The following TLE5 variants were observed in gnomAD, a reference collection of about 807,000 sequenced individuals.
TLE5 encodes TLE family member 5, transcriptional modulator.
In TLE5, 7 loss-of-function variants were observed where a neutral mutation model predicts 25.8. That is an observed-to-expected ratio of 0.27 (90% CI 0.15 to 0.51). TLE5 has a LOEUF of 0.51. Ranked by LOEUF, TLE5 falls within the 20% of genes least tolerant of loss-of-function variation. TLE5 has a pLI of 0.97. For synonymous variants in TLE5, 132 were observed against 110.5 expected (o/e 1.20, Z -1.22); for missense variants, 149 against 250.7 (o/e 0.59, Z 2.74).
chr19:3,056,322 A>C lies in TLE5; in HGVS notation c.224T>G (p.Met75Arg). ...AGGAGATGGGCGTACCTGTTTGTGC[A>C]TCTCGATGTTCAAGCCGTAGGACAT... is the stretch of plus-strand genomic sequence containing the variant. ...YEMSYGLNIE[M>R]HKQAEIVKRL... Residue 75 changes from methionine (M) to arginine (R), a missense_variant, in exon 4 of 7, where the codon ATG (methionine) becomes AGG (arginine). Coordinates refer to ENST00000327141, the MANE Select transcript of TLE5 (RefSeq NM_001130.6). 1 of 1,412,658 alleles carries C rather than the reference A, an allele frequency of 7.1e-7. No individual in the cohort carries two copies. The allele number at this position is 1,412,658 out of a possible 1,614,324, so 87.5% of individuals were successfully genotyped here.
intron 1 of TLE5, 64 bp downstream of exon 1, chr19:3,062,110 C>T: frequency 1.6e-6 from 1 of 642,140 alleles, no homozygotes; most frequent in Non-Finnish European, 1.7e-6. Context: ...GGCCGGGAGC[C>T]GGGGGTCGGG....
At chr19:3,055,536 G>T in intron 5 of TLE5, 128 bp downstream of exon 5, 1 of 733,886 alleles carries the variant, frequency 1.4e-6, no homozygotes, top group Non-Finnish European at 2.1e-6. Context: ...TTCAGAGCCA[G>T]GGAGGTCCAG....
At chr19:3,056,675 C>A in intron 3 of TLE5, 1 of 550,074 alleles carries the variant, frequency 1.8e-6, no homozygotes, top group South Asian at 1.6e-5. Context: ...CATTCCAGGG[C>A]TCCTAATCTT....
intron 2 of TLE5, among the ~76,000 whole-genome samples, chr19:3,059,013 A>G (rs2090243004): frequency 6.6e-6 from 1 of 152,174 alleles, no homozygotes; most frequent in Non-Finnish European, 1.5e-5. Flanking sequence ...AGAAGAGTCA[A>G]TGAATTCAGA....
At chr19:3,062,074 C>T in intron 1 of TLE5, 100 bp downstream of exon 1, 1 of 376,642 alleles carries the variant, frequency 2.7e-6, no homozygotes, top group Non-Finnish European at 3.3e-6. Context: ...GCCGGAGGCA[C>T]CGGGCCTGGG....
intron 4 of TLE5, 93 bp from the exon 5 acceptor site, chr19:3,055,819 G>T (rs1374661277): frequency 7.4e-7 from 1 of 1,352,764 alleles, no homozygotes; most frequent in Non-Finnish European, 1.0e-6. Flanking sequence ...GCCCAGCCCT[G>T]CCACTTGCGG....
chr19:3,062,130 C>T, intron 1 of TLE5, 44 bp downstream of exon 1: 1 of 1,061,700 alleles, frequency 9.4e-7, no homozygotes, highest in East Asian at 4.1e-5. Flanking sequence ...GGGCGTAGGG[C>T]CCGGATCCGG....
chr19:3,061,839 CA>C (rs2145267995), intron 1 of TLE5, among the ~76,000 whole-genome samples: 1 of 144,846 alleles, frequency 6.9e-6, no homozygotes, highest in Non-Finnish European at 1.5e-5. Flanking sequence ...CGGAGCGCCC[CA>C]GGCCCGAGGC....
At chr19:3,062,096 G>A (rs2090276264) in intron 1 of TLE5, 78 bp downstream of exon 1, 4 of 776,148 alleles carry the variant, frequency 5.2e-6, no homozygotes, top group South Asian at 1.2e-4. Flanking sequence ...GTTGGGGGGC[G>A]CGGGGCCGGG....
Position 3,054,116 on chromosome 19 carries a change from A to G in TLE5, c.372+4T>C, listed in dbSNP as rs371290531. On this transcript the variant is annotated splice_donor_region_variant and intron_variant, in intron 6 of 6. Coordinates refer to ENST00000327141, the MANE Select transcript of TLE5 (RefSeq NM_001130.6). ...CGCCCACCCGCCCAGGTCCCCATAC[A>G]TACTCGGATGATAGAGTTCAGCTCG... The G allele has an allele frequency of 2.0e-5, 22 of 1,076,220 alleles. No individual in the cohort carries two copies. The highest frequency in any genetic ancestry group is 7.7e-5 in the East Asian group (2 of 25,856). 66.7% of individuals were successfully genotyped at this position (1,076,220 alleles called of 1,614,324 possible). A position where few individuals can be genotyped will look rare whatever the true frequency, so the allele number is the denominator to read the frequency against.
chr19:3,054,065 T>G, intron 6 of TLE5, 25 bp from the exon 7 acceptor site: 1 of 1,565,810 alleles, frequency 6.4e-7, no homozygotes, highest in Non-Finnish European at 8.6e-7. Context: ...AGGGGAACAT[T>G]AGCTGCCTGG....
rs746309429 is a variant in TLE5, at chr19:3,054,050, G to C, written c.373-10C>G. On this transcript the variant is annotated splice_polypyrimidine_tract_variant and intron_variant, in intron 6 of 6. Coordinates refer to ENST00000327141, the MANE Select transcript of TLE5 (RefSeq NM_001130.6). ...GGGCTTGGAGCTGCTGCTGCAGGGC[G>C]GGGGAGGGGAACATTAGCTGCCTGG... 2.5e-6 allele frequency: 4 copies of C among 1,576,202 alleles called. No individual in the cohort carries two copies. The highest frequency in any genetic ancestry group is 2.3e-5 in the South Asian group (2 of 86,960).
intron 2 of TLE5, among the ~76,000 whole-genome samples, chr19:3,060,306 G>A (rs1003231729): frequency 2.7e-5 from 4 of 149,744 alleles, no homozygotes; most frequent in African/African-American, 9.9e-5. Context: ...ACATCTCTGG[G>A]CTTAAGTTTC....
In TLE5 at chr19:3,054,001, G is replaced by A; in HGVS notation, c.412C>T (p.Leu138=). 2 of 1,606,278 alleles carry A rather than the reference G, an allele frequency of 1.2e-6. No individual in the cohort carries two copies. Among genetic ancestry groups the A allele is most frequent in the Non-Finnish European group, 1.7e-6 (2 of 1,177,274 alleles). ...QAHQLSQLQA[L]ALPLTPLPVG... Reference sequence around the variant, plus strand: ...GGTAGTGGGGTCAAGGGCAGGGCCAGGGCCTGCAGCTGGGACAGCTGGTGG... The same window carrying A: ...GGTAGTGGGGTCAAGGGCAGGGCCAAGGCCTGCAGCTGGGACAGCTGGTGG... Residue 138 remains leucine (L), a synonymous_variant, in exon 7 of 7, where the codon CTG becomes TTG. Transcript: ENST00000327141.
intron 3 of TLE5, 149 bp from the exon 4 acceptor site, chr19:3,056,505 T>A (rs1043269010): frequency 1.1e-4 from 60 of 553,514 alleles, no homozygotes; most frequent in Admixed American, 3.8e-4. Flanking sequence ...GAGAGGCAGG[T>A]GGGAGGGAAA....
At chr19:3,055,477 C>T in intron 5 of TLE5, 187 bp downstream of exon 5, 1 of 435,500 alleles carries the variant, frequency 2.3e-6, no homozygotes, top group East Asian at 3.5e-5. Flanking sequence ...GCCTGCACCC[C>T]TGGAGTGTCT....
chr19:3,054,054 G>C lies in TLE5; in HGVS notation c.373-14C>G, dbSNP rs928148642. 4.4e-6 allele frequency: 7 copies of C among 1,573,798 alleles called. No individual in the cohort carries two copies. The Admixed American group carries it at 9.4e-5, about 21-fold the overall frequency. On this transcript the variant is annotated splice_polypyrimidine_tract_variant and intron_variant, in intron 6 of 6. Transcript: ENST00000327141. ...TTGGAGCTGCTGCTGCAGGGCGGGG[G>C]AGGGGAACATTAGCTGCCTGGGGCC...
Position 3,057,661 on chromosome 19 carries a change from G to A in TLE5, c.189+18C>T. 6.2e-7 allele frequency: 1 copy of A among 1,612,890 alleles called. No homozygotes were observed. The highest frequency in any genetic ancestry group is 1.1e-5 in the South Asian group (1 of 91,078). On this transcript the variant is annotated intron_variant, in intron 3 of 6. Transcript: ENST00000327141. ...TCGCCCGCCCCCAACACTGGACCTG[G>A]GGGCGGAGTGACGTTACCATCACAT...
chr19:3,054,550 T>C (rs1040441110), intron 5 of TLE5: 50 of 381,630 alleles, frequency 1.3e-4, no homozygotes, highest in African/African-American at 9.0e-4. Context: ...ATGTGAATGT[T>C]TGTGCAGTAC....
Sources: gnomAD v4.1 joint callset for allele counts (sites outside exome capture counted in the v4.1 genomes callset) on GRCh38, gnomAD v4.1.1 for gene constraint, MANE v1.5 for transcripts, NCBI Gene and HGNC (gene_info 2026-07-23, HGNC 2026-07-21) for gene names.